The following SNX13 variants were observed in gnomAD, a reference collection of about 807,000 sequenced individuals.
The protein encoded by SNX13 is sorting nexin-13.
In SNX13, 45 loss-of-function variants were observed where a neutral mutation model predicts 133.6. The observed-to-expected ratio is 0.34, with a 90% CI of 0.27 to 0.43. The LOEUF (loss-of-function observed/expected upper bound fraction) is 0.43, where lower values mean the gene tolerates loss of function less well. Ranked by LOEUF, SNX13 falls within the 20% of genes least tolerant of loss-of-function variation. SNX13 has a pLI of 1.00. For missense variants in SNX13, 1,032 were observed against 1,145.1 expected (o/e 0.90, Z 1.43); for synonymous variants, 414 against 373.9 (o/e 1.11, Z -1.24).
intron 5 of SNX13, chr7:17,881,237 A>AAC (rs58667084): frequency 0.39 from 57,193 of 148,312 alleles, 11,169 homozygotes; most frequent in East Asian, 0.66. Context: ...CTATATGTAC[A>AAC]ACACACACAC....
intron 25 of SNX13, chr7:17,795,831 T>C (rs1783983730): frequency 2.0e-5 from 3 of 151,796 alleles, no homozygotes; most frequent in Non-Finnish European, 4.4e-5. Flanking sequence ...TTGTTTCTTA[T>C]TTTTCTAAAA....
At chr7:17,841,553 T>TAC (rs71553704) in intron 12 of SNX13, among the ~76,000 whole-genome samples, 5,742 of 142,988 alleles carry the variant, frequency 0.04, 175 homozygotes, top group African/African-American at 0.075. Flanking sequence ...CAGTTATTCA[T>TAC]ACACACACAC....
intron 1 of SNX13, among the ~76,000 whole-genome samples, chr7:17,924,325 TGAATAGACATTTCTCCAAAGAAGA>T (rs1800472761): frequency 1.3e-5 from 2 of 152,216 alleles, no homozygotes; most frequent in African/African-American, 4.8e-5. Context: ...GCACAAGACT[TGAATAGACATTTCTCCAAAGAAGA>T]TATACAAATG....
Position 17,807,837 on chromosome 7 carries a change from G to GCCTCCA in SNX13, c.2065-4258_2065-4257insTGGAGG, listed in dbSNP as rs1182839767. Among the ~76,000 whole-genome samples, 4 of 68,036 alleles carry GCCTCCA rather than the reference G, an allele frequency of 5.9e-5. No homozygotes were observed. In the African/African-American group the frequency reaches 6.5e-4, roughly 11 times the overall value. 44.6% of individuals were successfully genotyped at this position (68,036 alleles called of 152,430 possible). A position where few individuals can be genotyped will look rare whatever the true frequency, so the allele number is the denominator to read the frequency against. Reference sequence around the variant, plus strand: ...ACTCGGGCAAACAGGGTCTGGAGTGGGCCTCCAGCAAACCTGCCACAGAGG... The same window carrying GCCTCCA: ...ACTCGGGCAAACAGGGTCTGGAGTGGCCTCCAGCCTCCAGCAAACCTGCCACAGAGG... On this transcript the variant is annotated intron_variant, in intron 20 of 25. Coordinates refer to ENST00000428135, the MANE Select transcript of SNX13 (RefSeq NM_015132.5).
intron 1 of SNX13, among the ~76,000 whole-genome samples, chr7:17,929,241 G>C (rs931867231): frequency 2.0e-5 from 3 of 152,032 alleles, no homozygotes; most frequent in African/African-American, 7.2e-5. Flanking sequence ...GGAATAGAGA[G>C]AGATATAGAT....
chr7:17,901,175 T>A (rs996548730), intron 1 of SNX13, among the ~76,000 whole-genome samples: 17 of 152,152 alleles, frequency 1.1e-4, no homozygotes, highest in Admixed American at 1.1e-3. Context: ...CTACTGTGGC[T>A]AAGCTGGTAT....
chr7:17,848,687 C>T (rs1790837722), intron 11 of SNX13, among the ~76,000 whole-genome samples: 1 of 152,184 alleles, frequency 6.6e-6, no homozygotes, highest in Non-Finnish European at 1.5e-5. Context: ...ACAGTGGGTC[C>T]GAGTGAGTGG....
chr7:17,875,408 A>G, intron 7 of SNX13, 72 bp downstream of exon 7: 1 of 1,256,510 alleles, frequency 8.0e-7, no homozygotes, highest in Non-Finnish European at 1.1e-6. Context: ...TTACCCTTAG[A>G]TTTTTTCACT....
intron 16 of SNX13, among the ~76,000 whole-genome samples, chr7:17,828,709 G>A (rs1583392796): frequency 2.0e-5 from 3 of 151,450 alleles, no homozygotes; most frequent in East Asian, 1.9e-4. Context: ...AAGTATGACT[G>A]TTTTTTGATC....
intron 18 of SNX13, among the ~76,000 whole-genome samples, chr7:17,816,908 CATA>C (rs1255327452): frequency 1.3e-5 from 2 of 152,052 alleles, no homozygotes; most frequent in African/African-American, 2.4e-5. Context: ...TCAAAAATTT[CATA>C]ATAAAAGGTT....
At chr7:17,915,105 A>C (rs2128026544) in intron 1 of SNX13, among the ~76,000 whole-genome samples, 1 of 152,322 alleles carries the variant, frequency 6.6e-6, no homozygotes, top group East Asian at 1.9e-4. Flanking sequence ...TTAAACCAAA[A>C]ACACTAAAAA....
chr7:17,797,359 T>C (rs895048169), intron 24 of SNX13, among the ~76,000 whole-genome samples: 1 of 151,836 alleles, frequency 6.6e-6, no homozygotes, highest in African/African-American at 2.4e-5. Flanking sequence ...CCCACTCCTC[T>C]TATAATTAAG....
chr7:17,797,823 G>A (rs555224792), intron 24 of SNX13, among the ~76,000 whole-genome samples: 2 of 151,894 alleles, frequency 1.3e-5, no homozygotes, highest in African/African-American at 4.8e-5. Flanking sequence ...AAACAGTATG[G>A]TACAGTGGGA....
At chr7:17,803,720 A>C in intron 20 of SNX13, 140 bp from the exon 21 acceptor site, 1 of 759,968 alleles carries the variant, frequency 1.3e-6, no homozygotes, top group Non-Finnish European at 2.0e-6. Flanking sequence ...ACATTTTAAA[A>C]GTACAGAAAT....
chr7:17,805,211 T>TTG (rs55946438), intron 20 of SNX13, among the ~76,000 whole-genome samples: 14,704 of 118,382 alleles, frequency 0.12, 1,061 homozygotes, highest in Middle Eastern at 0.16. Flanking sequence ...TAATGATTCT[T>TTG]TGTGTGTGTG....
intron 1 of SNX13, among the ~76,000 whole-genome samples, chr7:17,908,129 C>T (rs192974991): frequency 5.3e-4 from 81 of 152,232 alleles, no homozygotes; most frequent in African/African-American, 1.9e-3. Flanking sequence ...GCATCAATAC[C>T]TACCCAATTA....
At chr7:17,856,408 T>C (rs940261963) in intron 9 of SNX13, among the ~76,000 whole-genome samples, 1 of 151,668 alleles carries the variant, frequency 6.6e-6, no homozygotes, top group African/African-American at 2.4e-5. Context: ...AACCAAGAAG[T>C]TACAAAACAA....
intron 11 of SNX13, among the ~76,000 whole-genome samples, chr7:17,846,613 G>C (rs1790558382): frequency 6.6e-6 from 1 of 151,822 alleles, no homozygotes; most frequent in Non-Finnish European, 1.5e-5. Context: ...GCCATATTCA[G>C]AGGCAGATAC....
At chr7:17,907,172 G>A (rs17660539) in intron 1 of SNX13, 12,241 of 152,242 alleles carry the variant, frequency 0.08, 663 homozygotes, top group Middle Eastern at 0.14. Flanking sequence ...GCCAAAGGTG[G>A]CAATGATTGA....
Sources: gnomAD v4.1 joint callset for allele counts (sites outside exome capture counted in the v4.1 genomes callset) on GRCh38, gnomAD v4.1.1 for gene constraint, MANE v1.5 for transcripts, NCBI Gene and HGNC (gene_info 2026-07-23, HGNC 2026-07-21) for gene names.